The following IRS2 variants were observed in gnomAD, a reference collection of about 807,000 sequenced individuals.
IRS2 encodes the protein insulin receptor substrate 2.
Under a neutral mutation model 70.9 loss-of-function variants are expected in IRS2, and 28 were observed. The ratio of observed to expected loss-of-function variants is 0.39; its 90% CI spans 0.29 to 0.54. The LOEUF (loss-of-function observed/expected upper bound fraction) is 0.54, where lower values mean the gene tolerates loss of function less well. Ranked by LOEUF, IRS2 falls within the 20% of genes least tolerant of loss-of-function variation. IRS2 has a pLI of 0.59. For synonymous variants in IRS2, 1,217 were observed against 981.9 expected, an observed-to-expected ratio of 1.24 and a Z score of -4.48; for missense variants, 2,081 against 2,024.1, an observed-to-expected ratio of 1.03 and a Z score of -0.54.
chr13:109,774,871 G>A (rs1877537021), intron 1 of IRS2, among the ~76,000 whole-genome samples: 1 of 152,210 alleles, frequency 6.6e-6, no homozygotes, highest in Admixed American at 6.5e-5. Context: ...CAAGAGAAGA[G>A]TGGCAGGCAG....
Position 109,783,767 on chromosome 13 carries a change from T to C in IRS2, c.2287A>G (p.Asn763Asp), listed in dbSNP as rs778868857. The change falls in exon 1 of 2, where the codon AAC (asparagine) becomes GAC (aspartate). Residue 763 changes from asparagine (N) to aspartate (D), a missense_variant. Asn to Asp is a conservative substitution (Grantham distance 23). This residue lies in a region of IRS2 where 1,615 missense variants were observed against 1,459.5 expected (regional missense o/e 1.11). Coordinates refer to ENST00000375856, the MANE Select transcript of IRS2 (RefSeq NM_003749.3). ...GGGGACACGTTGAGGTAGTCCCCGT[T>C]GGGCAGCAGCTTGCCATCTGCATGC... The part of the protein sequence containing the change: ...MEHADGKLLP[N>D]GDYLNVSPSD... 1.6e-5 allele frequency: 25 copies of C among 1,596,452 alleles called. No homozygotes were observed. Among genetic ancestry groups the C allele is most frequent in the Non-Finnish European group, 1.9e-5 (22 of 1,172,104 alleles).
At chr13:109,765,784 A>G (rs113074882) in intron 1 of IRS2, among the ~76,000 whole-genome samples, 4 of 40,900 alleles carry the variant, frequency 9.8e-5, no homozygotes, top group Admixed American at 7.4e-4. Context: ...AACCACCCTG[A>G]CTCCGACTCC....
At chr13:109,772,688 AT>A (rs34886741) in intron 1 of IRS2, among the ~76,000 whole-genome samples, 24,550 of 130,466 alleles carry the variant, frequency 0.19, 2,116 homozygotes, top group African/African-American at 0.3. Flanking sequence ...TGCCTATTAC[AT>A]TTTTTTTTTT....
Position 109,754,459 on chromosome 13 carries a change from G to C in IRS2, c.*1845C>G, listed in dbSNP as rs1371080711. ...TATTCAGTCCCTATCGTACCTGGGGGGAGTTACAAAGCAAATACCACCCAT... is the reference window on the plus strand; with the variant it reads ...TATTCAGTCCCTATCGTACCTGGGGCGAGTTACAAAGCAAATACCACCCAT... On this transcript the variant is annotated 3_prime_UTR_variant, in exon 2 of 2. Coordinates refer to ENST00000375856, the MANE Select transcript of IRS2 (RefSeq NM_003749.3). The C allele has an allele frequency of 4.9e-6, 1 of 204,948 alleles. No homozygotes were observed. The highest frequency in any genetic ancestry group is 2.3e-5 in the African/African-American group (1 of 43,730). 12.7% of individuals were successfully genotyped at this position (204,948 alleles called of 1,614,324 possible).
At chr13:109,769,333 C>T (rs1250279513) in intron 1 of IRS2, among the ~76,000 whole-genome samples, 1 of 152,208 alleles carries the variant, frequency 6.6e-6, no homozygotes, top group Non-Finnish European at 1.5e-5. Flanking sequence ...TGTGGGCTAA[C>T]ATCAGTAGCA....
chr13:109,758,893 G>A (rs1877165950), intron 1 of IRS2, among the ~76,000 whole-genome samples: 1 of 150,164 alleles, frequency 6.7e-6, no homozygotes, highest in Non-Finnish European at 1.5e-5. Flanking sequence ...AAGAGGAAGG[G>A]GAAGAGGAAG....
chr13:109,757,324 C>A (rs576606907), intron 1 of IRS2, among the ~76,000 whole-genome samples: 1 of 152,324 alleles, frequency 6.6e-6, no homozygotes, highest in African/African-American at 2.4e-5. Context: ...CATTTCCTTC[C>A]TTTGCAGATG....
chr13:109,783,967 G>T lies in IRS2; in HGVS notation c.2087C>A (p.Ala696Asp). 6.6e-7 allele frequency: 1 copy of T among 1,514,816 alleles called. No individual in the cohort carries two copies. 93.8% of individuals were successfully genotyped at this position (1,514,816 alleles called of 1,614,324 possible). A position where few individuals can be genotyped will look rare whatever the true frequency, so the allele number is the denominator to read the frequency against. ...PKQILQPRAA[A>D]AAAAAVPSAG... is the part of the protein sequence containing the mutation. The stretch of plus-strand genomic sequence containing the variant: ...AGAAGGCACGGCGGCGGCGGCGGCG[G>T]CGGCGGCCCTGGGCTGCAAGATCTG... The change falls in exon 1 of 2, where the codon GCC becomes GAC. Residue 696 changes from alanine (A) to aspartate (D), a missense_variant. Physicochemically the swap from Ala to Asp is moderately radical, Grantham distance 126. This residue lies in a region of IRS2 where 1,615 missense variants were observed against 1,459.5 expected (regional missense o/e 1.11). Transcript: ENST00000375856.
intron 1 of IRS2, 78 bp from the exon 2 acceptor site, chr13:109,756,386 C>T: frequency 8.2e-7 from 1 of 1,220,236 alleles, no homozygotes; most frequent in Non-Finnish European, 1.2e-6. Context: ...AAGGGCCCCT[C>T]TAACCCACAG....
intron 1 of IRS2, among the ~76,000 whole-genome samples, chr13:109,771,713 G>A (rs1421325656): frequency 6.6e-6 from 1 of 152,214 alleles, no homozygotes; most frequent in African/African-American, 2.4e-5. Flanking sequence ...AAGCACTTTA[G>A]TAATTTATTT....
rs2138932435 is a variant in IRS2 at position 109,783,379 on chromosome 13, C to G, written c.2675G>C (p.Arg892Pro). 1 of 1,513,598 alleles carries G rather than the reference C, an allele frequency of 6.6e-7. No individual in the cohort carries two copies. Among genetic ancestry groups the G allele is most frequent in the African/African-American group, 1.4e-5 (1 of 69,026 alleles). The allele number at this position is 1,513,598 out of a possible 1,614,324, so 93.8% of individuals were successfully genotyped here. A position where few individuals can be genotyped will look rare whatever the true frequency, so the allele number is the denominator to read the frequency against. Residue 892 changes from arginine (R) to proline (P), a missense_variant, in exon 1 of 2, where the codon CGC (arginine) becomes CCC (proline). Physicochemically the swap from Arg to Pro is moderately radical, Grantham distance 103. Coordinates refer to ENST00000375856, the MANE Select transcript of IRS2 (RefSeq NM_003749.3). The stretch of plus-strand genomic sequence containing the variant: ...GCTGGGCAGCCCCTCCAGGGACAGG[C>G]GCGTGGGCCTCACCGCCCGGCCGCG... Reference protein sequence around the residue: ...GQRGRAVRPTRLSLEGLPSLP... With the variant: ...GQRGRAVRPTPLSLEGLPSLP...
chr13:109,767,379 A>G (rs1444508574), intron 1 of IRS2, among the ~76,000 whole-genome samples: 1 of 152,096 alleles, frequency 6.6e-6, no homozygotes, highest in Non-Finnish European at 1.5e-5. Flanking sequence ...TAAAGATTCC[A>G]TTTCCCAAAT....
At position 109,756,327 on chromosome 13, in the gene IRS2, A is replaced by C; in HGVS notation, c.4013-19T>G. On this transcript the variant is annotated intron_variant, in intron 1 of 1. Transcript: ENST00000375856. ...CTTCACTCTGAAAAAGAAAGGAGGG[A>C]AGTTAGCAGAGACCCTCAGGAGAAC... The C allele has an allele frequency of 6.2e-7, 1 of 1,611,322 alleles. No homozygotes were observed. Among genetic ancestry groups the C allele is most frequent in the South Asian group, 1.1e-5 (1 of 91,024 alleles).
chr13:109,775,753 A>AACACACACAC (rs71127906), intron 1 of IRS2, among the ~76,000 whole-genome samples: 1,455 of 140,512 alleles, frequency 0.01, 11 homozygotes, highest in Non-Finnish European at 0.011. Flanking sequence ...ATATTATGGA[A>AACACACACAC]ACACACACAC....
chr13:109,763,021 G>C (rs1014535071), intron 1 of IRS2, among the ~76,000 whole-genome samples: 1 of 152,138 alleles, frequency 6.6e-6, no homozygotes, highest in Non-Finnish European at 1.5e-5. Flanking sequence ...CCGTGCTCAC[G>C]CATTTACATA....
intron 1 of IRS2, among the ~76,000 whole-genome samples, chr13:109,781,602 G>A (rs1055368487): frequency 6.6e-6 from 1 of 152,228 alleles, no homozygotes; most frequent in Non-Finnish European, 1.5e-5. Context: ...CCAGCTCCAG[G>A]AACACAGGGA....
At chr13:109,781,485 A>C (rs1877697843) in intron 1 of IRS2, among the ~76,000 whole-genome samples, 3 of 152,206 alleles carry the variant, frequency 2.0e-5, no homozygotes, top group Admixed American at 2.0e-4. Flanking sequence ...TTTGTGTGTA[A>C]AACGGAAATG....
rs2138939933 is a variant in IRS2, at chr13:109,786,017, C to CCGGCCCGGG, written c.28_36dup (p.Pro10_Pro12dup). The CCGGCCCGGG allele has an allele frequency of 7.2e-7, 1 of 1,385,812 alleles. No individual in the cohort carries two copies. The highest frequency in any genetic ancestry group is 9.4e-7 in the Non-Finnish European group (1 of 1,069,232). 85.8% of individuals were successfully genotyped at this position (1,385,812 alleles called of 1,614,324 possible). A position where few individuals can be genotyped will look rare whatever the true frequency, so the allele number is the denominator to read the frequency against. ...TTGAGGTTGGGGCCGTCTCCGCTCG[C>CCGGCCCGGG]CGGCCCGGGCGGCCCGTGCCGCGGC... On this transcript the variant is annotated inframe_insertion, in exon 1 of 2. Transcript: ENST00000375856. This position sits in a 1 kb window ranked among gnomAD's most constrained non-coding sequence, Gnocchi z 4.4.
intron 1 of IRS2, among the ~76,000 whole-genome samples, chr13:109,779,207 T>C (rs570383398): frequency 2.3e-4 from 35 of 152,342 alleles, no homozygotes; most frequent in African/African-American, 7.9e-4. Flanking sequence ...CTATCACTTA[T>C]GCAAATACCA....
Sources: gnomAD v4.1 joint callset for allele counts (sites outside exome capture counted in the v4.1 genomes callset) on GRCh38, gnomAD v4.1.1 for gene constraint, gnomAD v4.1.1 regional missense constraint, Gnocchi (gnomAD v3.1) non-coding constraint, MANE v1.5 for transcripts, NCBI Gene and HGNC (gene_info 2026-07-23, HGNC 2026-07-21) for gene names.